ESR2: variants seen among roughly 807,000 people sequenced by gnomAD.
ESR2 encodes estrogen receptor beta.
ESR2 carries 36 observed loss-of-function variants against 49.6 expected under a neutral mutation model. The ratio of observed to expected loss-of-function variants is 0.73; its 90% CI spans 0.56 to 0.96. The LOEUF (loss-of-function observed/expected upper bound fraction) is 0.96. Ranked by LOEUF, ESR2 falls within the 40% of genes least tolerant of loss-of-function variation. The pLI is 0.00. For synonymous variants in ESR2, 320 were observed against 266.1 expected (o/e 1.20, Z -1.97); for missense variants, 714 against 693.0 (o/e 1.03, Z -0.34).
intron 4 of ESR2, among the ~76,000 whole-genome samples, chr14:64,267,152 T>G (rs1170924600): frequency 6.6e-6 from 1 of 152,236 alleles, no homozygotes. Context: ...GTGCTGGGAT[T>G]ACAGGCGTGA....
chr14:64,282,892 T>G lies in ESR2; in HGVS notation c.94A>C (p.Ile32Leu), dbSNP rs752813103. The G allele has an allele frequency of 1.2e-6, 2 of 1,614,056 alleles. No homozygotes were observed. The highest frequency in any genetic ancestry group is 2.7e-5 in the African/African-American group (2 of 74,922). ...TGGCTGTCTACATAGGAGGAAGGTA[T>G]GTATATGGAGCCGTGCTCCAGGGGT... is the stretch of plus-strand genomic sequence containing the variant. ...ILPLEHGSIY[I>L]PSSYVDSHHE... Residue 32 changes from isoleucine (I) to leucine (L), a missense_variant, in exon 2 of 9, where the codon ATA becomes CTA. Physicochemically the swap from Ile to Leu is conservative, Grantham distance 5. Coordinates refer to ENST00000341099, the MANE Select transcript of ESR2 (RefSeq NM_001437.3).
intron 1 of ESR2, chr14:64,337,283 G>C (rs893618318): frequency 6.6e-6 from 1 of 152,200 alleles, no homozygotes; most frequent in African/African-American, 2.4e-5. Flanking sequence ...ATCCTTCAAA[G>C]TCGATTTCAT....
rs369858730 is a variant in ESR2 at position 64,263,318 on chromosome 14, G to A, written c.653-2570C>T. On this transcript the variant is annotated intron_variant, in intron 4 of 8. Coordinates refer to ENST00000341099, the MANE Select transcript of ESR2 (RefSeq NM_001437.3). ...ATTATTATAGATAAGGAGACTCATC[G>A]CTAGAATATTTTAAAAAGATAAATA... Among the ~76,000 whole-genome samples the A allele has an allele frequency of 1.7e-4, 26 of 152,212 alleles. No individual in the cohort carries two copies. The East Asian group carries it at 3.5e-3, about 20-fold the overall frequency.
chr14:64,236,920 C>T (rs923625880), intron 7 of ESR2, among the ~76,000 whole-genome samples: 1 of 151,890 alleles, frequency 6.6e-6, no homozygotes, highest in Admixed American at 6.6e-5. Flanking sequence ...CTTCTGCCCT[C>T]AGCAAGACTG....
Position 64,257,367 on chromosome 14 carries a change from G to C in ESR2, c.953-3C>G. 6.2e-7 allele frequency: 1 copy of C among 1,612,656 alleles called. No individual in the cohort carries two copies. The highest frequency in any genetic ancestry group is 8.5e-7 in the Non-Finnish European group (1 of 1,180,014). On this transcript the variant is annotated splice_region_variant and splice_polypyrimidine_tract_variant and intron_variant, in intron 5 of 8. Coordinates refer to ENST00000341099, the MANE Select transcript of ESR2 (RefSeq NM_001437.3). The stretch of plus-strand genomic sequence containing the variant: ...GAACAGGCTGAGCTCCACAAAGCCT[G>C]GGGAAAGCAAGAGGCGGTGAGACAC...
At chr14:64,252,224 A>G (rs1420069196) in intron 6 of ESR2, among the ~76,000 whole-genome samples, 2 of 151,936 alleles carry the variant, frequency 1.3e-5, no homozygotes, top group African/African-American at 4.8e-5. Flanking sequence ...GAAGCAAAAG[A>G]TCACTTGAGG....
chr14:64,249,182 C>G (rs531189560), intron 7 of ESR2, among the ~76,000 whole-genome samples: 2 of 152,148 alleles, frequency 1.3e-5, no homozygotes, highest in Non-Finnish European at 2.9e-5. Flanking sequence ...ACGAATGAAT[C>G]TGTAAAAAAG....
intron 1 of ESR2, chr14:64,336,659 G>A (rs1339449727): frequency 6.6e-6 from 1 of 152,106 alleles, no homozygotes; most frequent in Non-Finnish European, 1.5e-5. Flanking sequence ...ACCTAAACCT[G>A]TTCCTTTGGT....
intron 7 of ESR2, among the ~76,000 whole-genome samples, chr14:64,236,927 A>C (rs1236937312): frequency 6.7e-6 from 1 of 150,194 alleles, no homozygotes; most frequent in Non-Finnish European, 1.5e-5. Context: ...CCTCAGCAAG[A>C]CTGGACATGA....
At chr14:64,276,364 GA>G (rs2076557642) in intron 3 of ESR2, among the ~76,000 whole-genome samples, 1 of 152,158 alleles carries the variant, frequency 6.6e-6, no homozygotes, top group Non-Finnish European at 1.5e-5. Flanking sequence ...AGATTTATGA[GA>G]AAACATTTAC....
rs900007532 is a variant in ESR2 at position 64,264,468 on chromosome 14, AT to A, written c.653-3721del. ...TGGAGCAAAATGTATGTTTTTCTTA[AT>A]TTTTTTAATATACTTTAGGTTCTGG... On this transcript the variant is annotated intron_variant, in intron 4 of 8. Coordinates refer to ENST00000341099, the MANE Select transcript of ESR2 (RefSeq NM_001437.3). 2.4e-4 allele frequency among the ~76,000 whole-genome samples: 33 copies of A among 139,254 alleles called. No homozygotes were observed. In the East Asian group the frequency reaches 2.8e-3, roughly 12 times the overall value. The allele number at this position is 139,254 out of a possible 152,430, so 91.4% of individuals were successfully genotyped here.
rs1197307302 is a variant in ESR2 at position 64,233,277 on chromosome 14, C to A, written c.1453G>T (p.Val485Phe). The A allele has an allele frequency of 6.2e-7, 1 of 1,614,176 alleles. No homozygotes were observed. Among genetic ancestry groups the A allele is most frequent in the Admixed American group, 1.7e-5 (1 of 60,018 alleles). ...TCCAGCAGCAGGTCATACACTGGGA[C>A]CACATTTTTGCACTTCATGTTGAGC... Reference protein sequence around the residue: ...HLLNMKCKNVVPVYDLLLEML... With the variant: ...HLLNMKCKNVFPVYDLLLEML... The change falls in exon 9 of 9, where the codon GTC becomes TTC. Residue 485 changes from valine to phenylalanine, a missense_variant. By Grantham distance (50) the Val-to-Phe change is conservative (BLOSUM62 -1). Coordinates refer to ENST00000341099, the MANE Select transcript of ESR2 (RefSeq NM_001437.3).
intron 5 of ESR2, among the ~76,000 whole-genome samples, chr14:64,258,034 T>A (rs1253945162): frequency 6.6e-6 from 1 of 151,966 alleles, no homozygotes; most frequent in South Asian, 2.1e-4. Flanking sequence ...CTGGCCAACA[T>A]GGAGAAACCC....
chr14:64,237,642 CACTA>C (rs1402502323), intron 7 of ESR2, among the ~76,000 whole-genome samples: 32 of 152,316 alleles, frequency 2.1e-4, no homozygotes, highest in African/African-American at 7.2e-4. Flanking sequence ...GTGGAATGTC[CACTA>C]ACTGACGAAT....
intron 1 of ESR2, among the ~76,000 whole-genome samples, chr14:64,305,095 C>T (rs28858114): frequency 0.14 from 21,125 of 151,144 alleles, 1,971 homozygotes; most frequent in African/African-American, 0.26. Context: ...TCGAGACCAA[C>T]CTGGCTAACA....
At position 64,261,245 on chromosome 14, in the gene ESR2, T is replaced by TC. The variant is rs1210503593; in HGVS notation, c.653-498_653-497insG. 3.3e-3 allele frequency among the ~76,000 whole-genome samples: 445 copies of TC among 136,436 alleles called. 14 individuals carry two copies. Among genetic ancestry groups the TC allele is most frequent in the Admixed American group, 0.027 (373 of 13,962 alleles). 89.5% of individuals were successfully genotyped at this position (136,436 alleles called of 152,430 possible). A position where few individuals can be genotyped will look rare whatever the true frequency, so the allele number is the denominator to read the frequency against. On this transcript the variant is annotated intron_variant, in intron 4 of 8. Coordinates refer to ENST00000341099, the MANE Select transcript of ESR2 (RefSeq NM_001437.3). ...GCTTTTATTTTTCTTTTTTCTTTTTTTTTTTTTTTTGAGACGGAGCCTTGC... is the reference window on the plus strand; with the variant it reads ...GCTTTTATTTTTCTTTTTTCTTTTTTCTTTTTTTTTTGAGACGGAGCCTTGC...
intron 5 of ESR2, among the ~76,000 whole-genome samples, chr14:64,259,286 A>G (rs1396692252): frequency 6.6e-6 from 1 of 152,230 alleles, no homozygotes; most frequent in African/African-American, 2.4e-5. Flanking sequence ...TGATACTGTC[A>G]CCATAGGCCT....
At chr14:64,233,543 C>CT (rs2140609021) in intron 8 of ESR2, 1 of 544,520 alleles carries the variant, frequency 1.8e-6, no homozygotes, top group African/African-American at 1.9e-5. Flanking sequence ...CACCACACAC[C>CT]TACAATGGCC....
chr14:64,260,378 T>G, intron 5 of ESR2, 71 bp downstream of exon 5: 1 of 1,391,162 alleles, frequency 7.2e-7, no homozygotes, highest in Non-Finnish European at 9.9e-7. Context: ...TACTTTGTAC[T>G]CTTGCCCCTT....
Sources: allele counts gnomAD v4.1 joint callset (sites outside exome capture counted in the v4.1 genomes callset), GRCh38; gene constraint gnomAD v4.1.1; transcripts MANE v1.5; gene names NCBI Gene and HGNC (gene_info 2026-07-23, HGNC 2026-07-21).